The following CEP295 variants were observed in gnomAD, a reference collection of about 807,000 sequenced individuals.
The protein encoded by CEP295 is centrosomal protein 295, also known as centrosomal protein of 295 kDa.
A neutral mutation model predicts 291.6 loss-of-function variants in CEP295; 190 were observed. That is an observed-to-expected ratio of 0.65 (90% CI 0.58 to 0.73). The LOEUF is 0.73. Ranked by LOEUF, CEP295 falls within the 30% of genes least tolerant of loss-of-function variation. CEP295 has a pLI of 0.00. For synonymous variants in CEP295, 993 were observed against 1,038.8 expected (o/e 0.96, Z 0.85); for missense variants, 2,863 against 2,949.4 (o/e 0.97, Z 0.68).
chr11:93,670,546 A>G (rs1174123735), intron 5 of CEP295, among the ~76,000 whole-genome samples: 1 of 152,192 alleles, frequency 6.6e-6, no homozygotes, highest in Non-Finnish European at 1.5e-5. Flanking sequence ...CCAGAAATAC[A>G]TAGTTGTACA....
chr11:93,679,094 C>T (rs968772942), intron 6 of CEP295, among the ~76,000 whole-genome samples: 3 of 152,158 alleles, frequency 2.0e-5, no homozygotes, highest in Admixed American at 6.5e-5. Flanking sequence ...CCACCCACCT[C>T]GGCCTCCCAA....
chr11:93,686,479 T>C (rs1951247645), intron 9 of CEP295, among the ~76,000 whole-genome samples: 1 of 152,184 alleles, frequency 6.6e-6, no homozygotes. Context: ...TGGCTTGGTG[T>C]TGCCAAGTTG....
At chr11:93,704,434 C>T (rs992012243) in intron 17 of CEP295, among the ~76,000 whole-genome samples, 1 of 152,050 alleles carries the variant, frequency 6.6e-6, no homozygotes, top group Non-Finnish European at 1.5e-5. Context: ...TGCAGGGAAA[C>T]CCCCTCTGGT....
chr11:93,706,815 G>A lies in CEP295; in HGVS notation c.5667G>A (p.Gly1889=). 1 of 1,550,600 alleles carries A rather than the reference G, an allele frequency of 6.4e-7. No individual in the cohort carries two copies. Among genetic ancestry groups the A allele is most frequent in the Non-Finnish European group, 8.7e-7 (1 of 1,146,460 alleles). ...TAAGCCGAGAACAAAGTTTCTTTGG[G>A]AGCCCACTGGCCCATGATCCGTTTA... The part of the protein sequence containing the change: ...VSISREQSFF[G]SPLAHDPFSC... Residue 1889 remains glycine, a synonymous_variant, in exon 18 of 30, where the codon GGG becomes GGA. Transcript: ENST00000325212.
Position 93,726,983 on chromosome 11 carries a change from A to G in CEP295, c.6507A>G (p.Glu2169=). The G allele has an allele frequency of 6.6e-7, 1 of 1,511,534 alleles. No homozygotes were observed. The highest frequency in any genetic ancestry group is 8.8e-7 in the Non-Finnish European group (1 of 1,131,082). The allele number at this position is 1,511,534 out of a possible 1,614,324, so 93.6% of individuals were successfully genotyped here. A position where few individuals can be genotyped will look rare whatever the true frequency, so the allele number is the denominator to read the frequency against. The change falls in exon 24 of 30, where the codon GAA becomes GAG. Residue 2169 remains glutamate, a synonymous_variant. Transcript: ENST00000325212. ...FATENIIGGS[E]QCFEQLQPEY... is the part of the protein sequence containing the mutation. ...TTGAATTTCTTAATGCAGGATCTGAACAATGTTTTGAACAGCTTCAGCCAG... is the reference window on the plus strand; with the variant it reads ...TTGAATTTCTTAATGCAGGATCTGAGCAATGTTTTGAACAGCTTCAGCCAG...
chr11:93,675,451 A>T lies in CEP295; in HGVS notation c.529-120A>T, dbSNP rs1950641175. The T allele has an allele frequency of 5.9e-6, 3 of 509,482 alleles. No homozygotes were observed. In the South Asian group the frequency reaches 1.1e-4, roughly 18 times the overall value. The allele number at this position is 509,482 out of a possible 1,614,324, so 31.6% of individuals were successfully genotyped here. A position where few individuals can be genotyped will look rare whatever the true frequency, so the allele number is the denominator to read the frequency against. Reference sequence around the variant, plus strand: ...AAATTTGATTTCATTATGAGCAGATATTTAGCATGTTTTGGATGCGGAGAA... The same window carrying T: ...AAATTTGATTTCATTATGAGCAGATTTTTAGCATGTTTTGGATGCGGAGAA... On this transcript the variant is annotated intron_variant, in intron 5 of 29. Coordinates refer to ENST00000325212, the MANE Select transcript of CEP295 (RefSeq NM_033395.2).
chr11:93,690,989 G>A (rs1045046050), intron 10 of CEP295, among the ~76,000 whole-genome samples: 7 of 152,042 alleles, frequency 4.6e-5, no homozygotes, highest in East Asian at 1.9e-4. Flanking sequence ...CTTAAATGTC[G>A]TTTCCTCAGA....
At chr11:93,693,913 A>C (rs944454560) in intron 12 of CEP295, among the ~76,000 whole-genome samples, 2 of 152,220 alleles carry the variant, frequency 1.3e-5, no homozygotes, top group Admixed American at 6.5e-5. Context: ...TAACTGAGGA[A>C]CTAAATTTTA....
In CEP295 at chr11:93,696,988, A is replaced by C. The variant is rs1281298518; in HGVS notation, c.2076A>C (p.Thr692=). 1 of 1,551,726 alleles carries C rather than the reference A, an allele frequency of 6.4e-7. No homozygotes were observed. The highest frequency in any genetic ancestry group is 2.4e-5 in the East Asian group (1 of 40,912). The change falls in exon 15 of 30, where the codon ACA becomes ACC. Residue 692 remains threonine, a synonymous_variant. Transcript: ENST00000325212. ...FPQRQVETTE[T]LRASDILTNQ... ...AAAGACAGGTGGAAACAACAGAAAC[A>C]TTACGCGCTTCAGATATTTTAACCA...
chr11:93,672,721 A>G (rs1950510568), intron 5 of CEP295, among the ~76,000 whole-genome samples: 1 of 152,204 alleles, frequency 6.6e-6, no homozygotes, highest in African/African-American at 2.4e-5. Flanking sequence ...TGGAAGATAG[A>G]ACACAGGAAG....
chr11:93,713,854 C>T (rs192388278), intron 18 of CEP295, among the ~76,000 whole-genome samples: 1 of 152,144 alleles, frequency 6.6e-6, no homozygotes, highest in African/African-American at 2.4e-5. Context: ...CTTTTTAATT[C>T]TCTTATCTTT....
At chr11:93,686,447 T>C (rs1384628351) in intron 9 of CEP295, among the ~76,000 whole-genome samples, 1 of 152,232 alleles carries the variant, frequency 6.6e-6, no homozygotes, top group Non-Finnish European at 1.5e-5. Context: ...CTTTAGCTCC[T>C]GCTGATCTCA....
At chr11:93,667,531 C>A in intron 2 of CEP295, 76 bp from the exon 3 acceptor site, 3 of 1,018,350 alleles carry the variant, frequency 2.9e-6, no homozygotes, top group South Asian at 1.8e-5. Flanking sequence ...CATTTGAGTT[C>A]CTCTTTCCAA....
rs1398238651 is a variant in CEP295, at chr11:93,729,954, A to AC, written c.7654dup (p.Gln2552ProfsTer12). The AC allele has an allele frequency of 6.5e-7, 1 of 1,537,778 alleles. No homozygotes were observed. Among genetic ancestry groups the AC allele is most frequent in the African/African-American group, 1.4e-5 (1 of 71,724 alleles). On this transcript the variant is annotated frameshift_variant, in exon 28 of 30. Coordinates refer to ENST00000325212, the MANE Select transcript of CEP295 (RefSeq NM_033395.2). LOFTEE classifies it high-confidence loss of function. Reference sequence around the variant, plus strand: ...AGAAAGACTACACAGGCTCTAAGGCACCAAAGGGGTCTAAGGTAGGGTTAA... The same window carrying AC: ...AGAAAGACTACACAGGCTCTAAGGCACCCAAAGGGGTCTAAGGTAGGGTTAA...
At chr11:93,691,513 T>A (rs1227812173) in intron 10 of CEP295, among the ~76,000 whole-genome samples, 170 bp from the exon 11 acceptor site, 1 of 152,206 alleles carries the variant, frequency 6.6e-6, no homozygotes. Flanking sequence ...ATTATTAGGC[T>A]TGGGTTTAAT....
chr11:93,712,681 C>T (rs1166594769), intron 18 of CEP295, among the ~76,000 whole-genome samples: 1 of 152,112 alleles, frequency 6.6e-6, no homozygotes, highest in Non-Finnish European at 1.5e-5. Context: ...TTGTAGGTAA[C>T]AGATCATTGG....
At chr11:93,722,475 G>C (rs983137414) in intron 20 of CEP295, 8 of 159,814 alleles carry the variant, frequency 5.0e-5, no homozygotes, top group African/African-American at 1.9e-4. Context: ...AAAAAAAAAA[G>C]TAAAATATTC....
At chr11:93,676,745 A>G (rs889800984) in intron 6 of CEP295, among the ~76,000 whole-genome samples, 12 of 152,020 alleles carry the variant, frequency 7.9e-5, no homozygotes, top group African/African-American at 2.2e-4. Context: ...ACTAAGATTG[A>G]TGATGAATTT....
At chr11:93,671,450 C>CT (rs1227773448) in intron 5 of CEP295, among the ~76,000 whole-genome samples, 1 of 152,126 alleles carries the variant, frequency 6.6e-6, no homozygotes, top group Non-Finnish European at 1.5e-5. Flanking sequence ...GTCCCCGTGA[C>CT]TCCATGAGCA....
Sources: gnomAD v4.1 joint callset for allele counts (sites outside exome capture counted in the v4.1 genomes callset) on GRCh38, gnomAD v4.1.1 for gene constraint, MANE v1.5 for transcripts, NCBI Gene and HGNC (gene_info 2026-07-23, HGNC 2026-07-21) for gene names.